CRYBG3: variants seen among roughly 807,000 people sequenced by gnomAD.
CRYBG3 encodes the protein very large A-kinase anchor protein.
CRYBG3 carries 127 observed loss-of-function variants against 244.2 expected under a neutral mutation model. The observed-to-expected ratio is 0.52, with a 90% CI of 0.45 to 0.60. The LOEUF (loss-of-function observed/expected upper bound fraction) is 0.60. Among genes scored for constraint, CRYBG3 ranks in the 20% least tolerant of loss-of-function variants. The pLI is 0.00. For synonymous variants in CRYBG3, 1,132 were observed against 1,195.8 expected, an observed-to-expected ratio of 0.95 and a Z score of 1.10; for missense variants, 3,325 against 3,442.5, an observed-to-expected ratio of 0.97 and a Z score of 0.85.
At chr3:97,843,081 C>T in intron 1 of CRYBG3, 114 bp from the exon 2 acceptor site, 1 of 611,844 alleles carries the variant, frequency 1.6e-6, no homozygotes, top group Non-Finnish European at 2.8e-6. Flanking sequence ...CATGGTGTAT[C>T]AATCTTTGAG....
intron 15 of CRYBG3, among the ~76,000 whole-genome samples, chr3:97,911,369 A>G (rs1353994164): frequency 2.0e-5 from 3 of 152,024 alleles, no homozygotes; most frequent in Non-Finnish European, 4.4e-5. Flanking sequence ...TTTCATTCCT[A>G]TTGTAGATTC....
At chr3:97,910,615 G>A (rs567355877) in intron 15 of CRYBG3, among the ~76,000 whole-genome samples, 4 of 152,264 alleles carry the variant, frequency 2.6e-5, no homozygotes, top group South Asian at 2.1e-4. Context: ...GTTCGCGCAC[G>A]GTGCACGCAC....
intron 2 of CRYBG3, among the ~76,000 whole-genome samples, chr3:97,858,098 G>A (rs2039091833): frequency 6.7e-6 from 1 of 149,780 alleles, no homozygotes; most frequent in African/African-American, 2.4e-5. Flanking sequence ...GTTTTTGTTT[G>A]TCTGGAAGGG....
At chr3:97,937,027 A>G in intron 19 of CRYBG3, 119 bp downstream of exon 19, 4 of 1,069,882 alleles carry the variant, frequency 3.7e-6, no homozygotes, top group Non-Finnish European at 5.4e-6. Flanking sequence ...TAGTAGGGGG[A>G]GTGAATTAGG....
intron 2 of CRYBG3, among the ~76,000 whole-genome samples, chr3:97,852,039 A>G (rs1310313787): frequency 6.6e-6 from 1 of 152,118 alleles, no homozygotes; most frequent in African/African-American, 2.4e-5. Context: ...TTCAGTTTGG[A>G]ATGTTTTGAG....
At chr3:97,897,981 G>A (rs1037055670) in intron 12 of CRYBG3, among the ~76,000 whole-genome samples, 6 of 152,096 alleles carry the variant, frequency 3.9e-5, no homozygotes, top group Admixed American at 2.0e-4. Flanking sequence ...AGCACTTTGG[G>A]AGGCTGAGGC....
rs754797334 is a variant in CRYBG3 at position 97,893,026 on chromosome 3, AGTCT to A, written c.7574+36_7574+39del. 4 of 1,575,570 alleles carry A rather than the reference AGTCT, an allele frequency of 2.5e-6. No individual in the cohort carries two copies. In the South Asian group the frequency reaches 4.8e-5, roughly 19 times the overall value. The stretch of plus-strand genomic sequence containing the variant: ...TCATATTTTTAACATTTGCACAAGT[AGTCT>A]GTTTTTGAAGGTCAGCACAAAAATG... On this transcript the variant is annotated intron_variant, in intron 11 of 21. Coordinates refer to ENST00000389622, the MANE Select transcript of CRYBG3 (RefSeq NM_153605.4).
chr3:97,912,818 G>A (rs1027778963), intron 16 of CRYBG3, among the ~76,000 whole-genome samples: 6 of 151,470 alleles, frequency 4.0e-5, no homozygotes, highest in African/African-American at 7.3e-5. Flanking sequence ...TATTTTTCAC[G>A]TGTATATGAA....
chr3:97,822,013 C>T lies in CRYBG3; in HGVS notation c.-194C>T, dbSNP rs754433706. The T allele has an allele frequency of 1.7e-5, 7 of 411,212 alleles. No individual in the cohort carries two copies. In the East Asian group the frequency reaches 1.8e-4, roughly 11 times the overall value. 25.5% of individuals were successfully genotyped at this position (411,212 alleles called of 1,614,324 possible). On this transcript the variant is annotated 5_prime_UTR_variant, in exon 1 of 22. Coordinates refer to ENST00000389622, the MANE Select transcript of CRYBG3 (RefSeq NM_153605.4). ...GCGGGAGGAGGAGCAGCCGCAGCGG[C>T]GTGAGGAGCTGCCGCGCGAGGAGCG...
chr3:97,849,248 G>A (rs560742151), intron 2 of CRYBG3, among the ~76,000 whole-genome samples: 2 of 152,322 alleles, frequency 1.3e-5, no homozygotes, highest in Admixed American at 6.5e-5. Flanking sequence ...GCCATATAAA[G>A]TCTGGCTAAA....
At chr3:97,846,920 C>A (rs906421380) in intron 2 of CRYBG3, among the ~76,000 whole-genome samples, 1 of 152,136 alleles carries the variant, frequency 6.6e-6, no homozygotes, top group Non-Finnish European at 1.5e-5. Flanking sequence ...AAAGAAAAGG[C>A]GTTTCATTGG....
At chr3:97,865,296 G>A (rs1371547027) in intron 3 of CRYBG3, among the ~76,000 whole-genome samples, 2 of 152,126 alleles carry the variant, frequency 1.3e-5, no homozygotes, top group Non-Finnish European at 2.9e-5. Context: ...TTTGTAACTA[G>A]TAAGGTTCTG....
intron 19 of CRYBG3, 67 bp from the exon 20 acceptor site, chr3:97,941,081 C>A: frequency 7.4e-7 from 1 of 1,360,106 alleles, no homozygotes; most frequent in Non-Finnish European, 1.0e-6. Flanking sequence ...CCCAGCTTTC[C>A]TCCTCTGGAA....
chr3:97,926,483 T>C (rs1196834886), intron 17 of CRYBG3, among the ~76,000 whole-genome samples: 1 of 152,012 alleles, frequency 6.6e-6, no homozygotes, highest in African/African-American at 2.4e-5. Flanking sequence ...GAGTAAAAGC[T>C]GGAAGCATTC....
At chr3:97,934,723 C>T (rs146020865) in intron 18 of CRYBG3, among the ~76,000 whole-genome samples, 260 of 152,116 alleles carry the variant, frequency 1.7e-3, no homozygotes, top group Admixed American at 3.7e-3. Flanking sequence ...TTTTCTTCTG[C>T]AAAACATTTT....
chr3:97,882,685 A>T (rs1371281126), intron 7 of CRYBG3, among the ~76,000 whole-genome samples: 1 of 152,216 alleles, frequency 6.6e-6, no homozygotes, highest in Non-Finnish European at 1.5e-5. Context: ...GATTTCATTT[A>T]TATACATAAA....
chr3:97,830,901 G>A (rs900059489), intron 1 of CRYBG3, among the ~76,000 whole-genome samples: 4 of 152,150 alleles, frequency 2.6e-5, no homozygotes, highest in East Asian at 1.9e-4. Flanking sequence ...CCTGTGTGTG[G>A]TCTGTGCTTT....
chr3:97,836,537 A>G (rs2038735964), intron 1 of CRYBG3, among the ~76,000 whole-genome samples: 1 of 152,140 alleles, frequency 6.6e-6, no homozygotes, highest in South Asian at 2.1e-4. Flanking sequence ...AGGCCAGTGC[A>G]CGAAAGTCAA....
rs1471847657 is a variant in CRYBG3, at chr3:97,872,294, G to A, written c.1100G>A (p.Ser367Asn). 5 of 1,535,798 alleles carry A rather than the reference G, an allele frequency of 3.3e-6. No individual in the cohort carries two copies. The African/African-American group carries it at 6.8e-5, about 21-fold the overall frequency. Residue 367 changes from serine (S) to asparagine (N), a missense_variant, in exon 4 of 22, where the codon AGT becomes AAT. Transcript: ENST00000389622. Reference protein sequence around the residue: ...DGESDSQHHLSCEPVSQTNRN... With the variant: ...DGESDSQHHLNCEPVSQTNRN... ...GAATCTGACTCACAGCACCATTTAA[G>A]TTGTGAACCGGTTTCTCAGACTAAC...
Sources: allele counts gnomAD v4.1 joint callset (sites outside exome capture counted in the v4.1 genomes callset), GRCh38; gene constraint gnomAD v4.1.1; transcripts MANE v1.5; gene names NCBI Gene and HGNC (gene_info 2026-07-23, HGNC 2026-07-21).